IGLON5: variants seen among roughly 807,000 people sequenced by gnomAD.
IGLON5 encodes IgLON family member 5, also known as Ig-like domain-containing protein ENSP00000270642.
Under a neutral mutation model 38.2 loss-of-function variants are expected in IGLON5, and 16 were observed. That is an observed-to-expected ratio of 0.42 (90% confidence interval 0.28 to 0.64). The LOEUF (loss-of-function observed/expected upper bound fraction) is 0.64. Ranked by LOEUF, IGLON5 falls within the 30% of genes least tolerant of loss-of-function variation. The pLI is 0.23. For missense variants in IGLON5, 366 were observed against 483.4 expected (o/e 0.76, Z 2.28); for synonymous variants, 207 against 216.4 (o/e 0.96, Z 0.38).
At chr19:51,318,663 A>C (rs1456149330) in intron 1 of IGLON5, among the ~76,000 whole-genome samples, 1 of 151,926 alleles carries the variant, frequency 6.6e-6, no homozygotes, top group Non-Finnish European at 1.5e-5. Context: ...TTTGCTGGGG[A>C]GGTTGAGGCT....
chr19:51,328,647 C>A, intron 7 of IGLON5, 24 bp from the exon 8 acceptor site: 2 of 1,509,796 alleles, frequency 1.3e-6, no homozygotes, highest in Non-Finnish European at 1.8e-6. Flanking sequence ...AGGCCTCCCT[C>A]CATGACCCCT....
At chr19:51,312,400 A>T (rs901161079) in intron 1 of IGLON5, among the ~76,000 whole-genome samples, 1 of 151,996 alleles carries the variant, frequency 6.6e-6, no homozygotes, top group Non-Finnish European at 1.5e-5. Context: ...TGGGGTAGTC[A>T]TCTCGGGACA....
At chr19:51,320,270 T>G (rs1277516607) in intron 1 of IGLON5, among the ~76,000 whole-genome samples, 1 of 152,124 alleles carries the variant, frequency 6.6e-6, no homozygotes, top group Non-Finnish European at 1.5e-5. Context: ...TGCACCTGGC[T>G]CCGTCCTGGC....
At chr19:51,315,125 C>G (rs999192265) in intron 1 of IGLON5, among the ~76,000 whole-genome samples, 1 of 143,612 alleles carries the variant, frequency 7.0e-6, no homozygotes, top group Non-Finnish European at 1.5e-5. Context: ...AACACACACG[C>G]ACCCCCTCAC....
intron 1 of IGLON5, among the ~76,000 whole-genome samples, chr19:51,320,085 A>G (rs1985017180): frequency 6.6e-6 from 1 of 152,030 alleles, no homozygotes; most frequent in African/African-American, 2.4e-5. Context: ...TCCATCCCCA[A>G]GCTGTCTCCT....
rs1985195475 is a variant in IGLON5 at position 51,325,519 on chromosome 19, C to T, written c.511+54C>T. On this transcript the variant is annotated intron_variant, in intron 4 of 7. Transcript: ENST00000270642. The surrounding 1 kb of genome is among the most constrained non-coding windows in gnomAD (Gnocchi z 5.5). ...CCGTCCCCCACTGCGCAGTCTGGGC[C>T]CCTCCATTCCCCATATCCCTAGCTA... is the stretch of plus-strand genomic sequence containing the variant. 1.3e-6 allele frequency: 2 copies of T among 1,519,746 alleles called. No individual in the cohort carries two copies. Among genetic ancestry groups the T allele is most frequent in the South Asian group, 1.3e-5 (1 of 79,066 alleles). 94.1% of individuals were successfully genotyped at this position (1,519,746 alleles called of 1,614,324 possible). A position where few individuals can be genotyped will look rare whatever the true frequency, so the allele number is the denominator to read the frequency against.
At position 51,325,380 on chromosome 19, in the gene IGLON5, G is replaced by A; in HGVS notation, c.426G>A (p.Val142=). The change falls in exon 4 of 8, where the codon GTG becomes GTA. Residue 142 remains valine, a synonymous_variant. Coordinates refer to ENST00000270642, the MANE Select transcript of IGLON5 (RefSeq NM_001101372.3). The surrounding 1 kb of genome is among the most constrained non-coding windows in gnomAD (Gnocchi z 5.5). ...GCATTGTGAACATCTCGTCGCCTGT[G>A]ACGGTGAATGAGGGGGGCAATGTGA... ...PARIVNISSP[V]TVNEGGNVNL... is the part of the protein sequence containing the mutation. The A allele has an allele frequency of 1.2e-6, 2 of 1,613,888 alleles. No homozygotes were observed. The highest frequency in any genetic ancestry group is 1.7e-6 in the Non-Finnish European group (2 of 1,179,820).
In IGLON5 at chr19:51,329,056, T is replaced by A. The variant is rs1481143123; in HGVS notation, c.*297T>A. ...CTCTCTCTTAGCTCAGGCTGTCAAC[T>A]GGCTTGTGTGGGTGTGGGTGTGTGA... On this transcript the variant is annotated 3_prime_UTR_variant, in exon 8 of 8. Transcript: ENST00000270642. This position sits in a 1 kb window ranked among gnomAD's most constrained non-coding sequence, Gnocchi z 4.3. The A allele has an allele frequency of 4.9e-6, 1 of 202,812 alleles. No homozygotes were observed. Among genetic ancestry groups the A allele is most frequent in the Non-Finnish European group, 9.9e-6 (1 of 101,270 alleles). The allele number at this position is 202,812 out of a possible 1,614,324, so 12.6% of individuals were successfully genotyped here.
In IGLON5 at chr19:51,311,946, G is replaced by A. The variant is rs1984774935; in HGVS notation, c.79+20G>A. The A allele has an allele frequency of 7.8e-7, 1 of 1,278,598 alleles. No homozygotes were observed. The highest frequency in any genetic ancestry group is 3.9e-5 in the Admixed American group (1 of 25,362). The allele number at this position is 1,278,598 out of a possible 1,614,324, so 79.2% of individuals were successfully genotyped here. ...GCCGAGGTACCGCAGCGCCGGGGGC[G>A]GGGGGCTCGGCCGGGACGCCAGGGT... On this transcript the variant is annotated intron_variant, in intron 1 of 7. Coordinates refer to ENST00000270642, the MANE Select transcript of IGLON5 (RefSeq NM_001101372.3).
chr19:51,327,096 G>T lies in IGLON5; in HGVS notation c.663G>T (p.Thr221=), dbSNP rs1326220571. 6 of 1,609,520 alleles carry T rather than the reference G, an allele frequency of 3.7e-6. No individual in the cohort carries two copies. The highest frequency in any genetic ancestry group is 1.1e-5 in the South Asian group (1 of 90,932). Reference sequence around the variant, plus strand: ...CCTCGCCAGATCCTCCGACCATCACGGACGTGACCAGCGCCCGCACCGCGC... The same window carrying T: ...CCTCGCCAGATCCTCCGACCATCACTGACGTGACCAGCGCCCGCACCGCGC... The part of the protein sequence containing the change: ...LVTVNYPPTI[T]DVTSARTALG... The change falls in exon 6 of 8, where the codon ACG becomes ACT. Residue 221 remains threonine, a synonymous_variant. Transcript: ENST00000270642. This position sits in a 1 kb window ranked among gnomAD's most constrained non-coding sequence, Gnocchi z 7.1.
intron 1 of IGLON5, among the ~76,000 whole-genome samples, chr19:51,319,336 C>T (rs1453293713): frequency 1.3e-5 from 2 of 150,030 alleles, no homozygotes; most frequent in Non-Finnish European, 3.0e-5. Flanking sequence ...TGCGTCCAGC[C>T]GTGTGTGATC....
In IGLON5 at chr19:51,327,680, G is replaced by T. The variant is rs1448985449; in HGVS notation, c.768-52G>T. The T allele has an allele frequency of 3.3e-6, 5 of 1,538,348 alleles. No individual in the cohort carries two copies. In the African/African-American group the frequency reaches 5.5e-5, roughly 17 times the overall value. ...GAACGGAGGAGCCTGAGAGTCGGGGGGCTGGCCTGGCTGGGCGCTGCGGCC... is the reference window on the plus strand; with the variant it reads ...GAACGGAGGAGCCTGAGAGTCGGGGTGCTGGCCTGGCTGGGCGCTGCGGCC... On this transcript the variant is annotated intron_variant, in intron 6 of 7. Coordinates refer to ENST00000270642, the MANE Select transcript of IGLON5 (RefSeq NM_001101372.3). This position sits in a 1 kb window ranked among gnomAD's most constrained non-coding sequence, Gnocchi z 7.1.
In IGLON5 at chr19:51,323,776, C is replaced by T; in HGVS notation, c.273C>T (p.Thr91=). The T allele has an allele frequency of 6.2e-7, 1 of 1,613,950 alleles. No individual in the cohort carries two copies. Among genetic ancestry groups the T allele is most frequent in the East Asian group, 2.2e-5 (1 of 44,872 alleles). ...CGCGGGTGCGGCTGCTCATCAACAC[C>T]CCCGAGGAGTTCTCCATCCTCATCA... is the stretch of plus-strand genomic sequence containing the variant. ...SDPRVRLLIN[T]PEEFSILITE... Residue 91 remains threonine (T), a synonymous_variant, in exon 3 of 8, where the codon ACC becomes ACT. Coordinates refer to ENST00000270642, the MANE Select transcript of IGLON5 (RefSeq NM_001101372.3).
At chr19:51,321,207 CGCTCTTGTTGCCCAG>C (rs771206627) in intron 1 of IGLON5, among the ~76,000 whole-genome samples, 11 of 152,088 alleles carry the variant, frequency 7.2e-5, no homozygotes, top group Non-Finnish European at 4.4e-5. Context: ...GACCAAGTTT[CGCTCTTGTTGCCCAG>C]GCTGGAGTGC....
In IGLON5 at chr19:51,327,729, C is replaced by T. The variant is rs1451348728; in HGVS notation, c.768-3C>T. ...CCCGGCCCCTGACCCGGATCCCTGG[C>T]AGGCTGAGCAGCGGCACGGCCGAAG... On this transcript the variant is annotated splice_region_variant and splice_polypyrimidine_tract_variant and intron_variant, in intron 6 of 7. Transcript: ENST00000270642. The surrounding 1 kb of genome is among the most constrained non-coding windows in gnomAD (Gnocchi z 7.1). 3.2e-6 allele frequency: 5 copies of T among 1,567,002 alleles called. No homozygotes were observed. In the East Asian group the frequency reaches 1.2e-4, roughly 37 times the overall value.
chr19:51,322,599 GCT>G (rs140581541), intron 2 of IGLON5, among the ~76,000 whole-genome samples: 142,477 of 143,378 alleles, frequency 0.99, 70,788 homozygotes, highest in Middle Eastern at 1. Context: ...TCTCTCGCTT[GCT>G]CTCTCTCTCT....
At chr19:51,314,667 G>C (rs1480519023) in intron 1 of IGLON5, among the ~76,000 whole-genome samples, 1 of 152,184 alleles carries the variant, frequency 6.6e-6, no homozygotes, top group Admixed American at 6.5e-5. Flanking sequence ...CGAGATGCCA[G>C]AAAGACACCC....
chr19:51,312,069 G>A, intron 1 of IGLON5, 143 bp downstream of exon 1: 1 of 398,138 alleles, frequency 2.5e-6, no homozygotes, highest in South Asian at 1.1e-4. Flanking sequence ...GGGCCCGGGG[G>A]TGGGGTCTGC....
rs200107403 is a variant in IGLON5 at position 51,327,843 on chromosome 19, C to G, written c.879C>G (p.Ala293=). 7.1e-6 allele frequency: 11 copies of G among 1,545,710 alleles called. No individual in the cohort carries two copies. The highest frequency in any genetic ancestry group is 9.6e-6 in the Non-Finnish European group (11 of 1,145,296). Residue 293 remains alanine, a synonymous_variant, in exon 7 of 8, where the codon GCC becomes GCG. Transcript: ENST00000270642. The surrounding 1 kb of genome is among the most constrained non-coding windows in gnomAD (Gnocchi z 7.1). Reference sequence around the variant, plus strand: ...ATTACGGCAACTATACGTGTCGCGCCGCCAACCGACTGGGAGCGTCCAGCG... The same window carrying G: ...ATTACGGCAACTATACGTGTCGCGCGGCCAACCGACTGGGAGCGTCCAGCG... ...ARHYGNYTCR[A]ANRLGASSAS...
Sources: gnomAD v4.1 joint callset for allele counts (sites outside exome capture counted in the v4.1 genomes callset) on GRCh38, gnomAD v4.1.1 for gene constraint, Gnocchi (gnomAD v3.1) non-coding constraint, MANE v1.5 for transcripts, NCBI Gene and HGNC (gene_info 2026-07-23, HGNC 2026-07-21) for gene names.